Variants in ONECUT2 observed in about 807,000 individuals in gnomAD.
ONECUT2 encodes the protein one cut domain family member 2.
In ONECUT2, 10 loss-of-function variants were observed where a neutral mutation model predicts 27.9. The ratio of observed to expected loss-of-function variants is 0.36; its 90% CI spans 0.22 to 0.61. The LOEUF is 0.61. ONECUT2 is among the 20% of genes least tolerant of loss of function. The pLI is 0.73. For synonymous variants in ONECUT2, 334 were observed against 315.1 expected (o/e 1.06, Z -0.64); for missense variants, 686 against 721.0 (o/e 0.95, Z 0.56).
chr18:57,441,816 A>G (rs1357529198), intron 1 of ONECUT2, among the ~76,000 whole-genome samples: 1 of 152,258 alleles, frequency 6.6e-6, no homozygotes, highest in African/African-American at 2.4e-5. Flanking sequence ...TCGTTGGACA[A>G]TTAAACGTGG....
At chr18:57,467,679 T>G (rs2050331326) in intron 1 of ONECUT2, among the ~76,000 whole-genome samples, 1 of 152,162 alleles carries the variant, frequency 6.6e-6, no homozygotes, top group African/African-American at 2.4e-5. Flanking sequence ...ATCCACATTT[T>G]CTAGATGAGA....
At chr18:57,445,512 G>A (rs147697636) in intron 1 of ONECUT2, among the ~76,000 whole-genome samples, 27 of 152,026 alleles carry the variant, frequency 1.8e-4, no homozygotes, top group South Asian at 1.5e-3. Flanking sequence ...TTTTCAACAC[G>A]GTACATGACC....
chr18:57,467,354 TTG>T (rs869061544), intron 1 of ONECUT2: 16,343 of 76,304 alleles, frequency 0.21, 5 homozygotes, highest in Non-Finnish European at 0.34. Flanking sequence ...GGTTTTTTTT[TTG>T]TTTGTTTGTT....
Position 57,436,258 on chromosome 18 carries a change from A to T in ONECUT2, c.542A>T (p.His181Leu). The T allele has an allele frequency of 6.2e-7, 1 of 1,602,280 alleles. No homozygotes were observed. The highest frequency in any genetic ancestry group is 2.2e-5 in the East Asian group (1 of 44,562). The change falls in exon 1 of 2, where the codon CAC (histidine) becomes CTC (leucine). Residue 181 changes from histidine (H) to leucine (L), a missense_variant. By Grantham distance (99) the His-to-Leu change is moderately conservative. Around this residue, in one of 4 missense-constraint regions of ONECUT2, gnomAD observed 511 missense variants for 488.1 expected, o/e 1.05. Transcript: ENST00000491143. The surrounding 1 kb of genome is among the most constrained non-coding windows in gnomAD (Gnocchi z 5.9). Reference protein sequence around the residue: ...HPHHHPHHHHHHHHQRLSGNV... With the variant: ...HPHHHPHHHHLHHHQRLSGNV... ...CACCACCATCCGCACCACCACCACC[A>T]CCACCACCACCAGCGCCTGTCCGGC...
At chr18:57,447,647 G>A (rs4496244) in intron 1 of ONECUT2, among the ~76,000 whole-genome samples, 1,832 of 152,214 alleles carry the variant, frequency 0.012, 20 homozygotes, top group Non-Finnish European at 0.021. Flanking sequence ...TTAGATTTAG[G>A]ATTTCCTTTC....
chr18:57,444,502 C>G, intron 1 of ONECUT2: 1 of 453,310 alleles, frequency 2.2e-6, no homozygotes. Context: ...CCCCAGTGCC[C>G]TTGAGCATGA....
chr18:57,435,944 C>A lies in ONECUT2; in HGVS notation c.228C>A (p.Gly76=). 1.6e-6 allele frequency: 2 copies of A among 1,223,924 alleles called. No individual in the cohort carries two copies. Among genetic ancestry groups the A allele is most frequent in the East Asian group, 6.6e-5 (2 of 30,156 alleles). 75.8% of individuals were successfully genotyped at this position (1,223,924 alleles called of 1,614,324 possible). A position where few individuals can be genotyped will look rare whatever the true frequency, so the allele number is the denominator to read the frequency against. ...SPHHAGRGAA[G]SLRGPPPPPT... is the part of the protein sequence containing the mutation. ...ACCACGCGGGCCGCGGCGCCGCTGG[C>A]TCGCTGCGGGGCCCTCCGCCGCCTC... Residue 76 remains glycine (G), a synonymous_variant, in exon 1 of 2, where the codon GGC becomes GGA. Transcript: ENST00000491143.
intron 1 of ONECUT2, among the ~76,000 whole-genome samples, chr18:57,474,118 G>A (rs958831029): frequency 8.5e-5 from 13 of 152,192 alleles, no homozygotes; most frequent in African/African-American, 2.7e-4. Flanking sequence ...TTTTAGAAAT[G>A]AGAGAAGGAA....
rs1255582423 is a variant in ONECUT2 at position 57,477,954 on chromosome 18, T to A, written c.*1231T>A. ...CTAAATCTCTTCTGTTGTTGAATCA[T>A]CCTTGCAAAACAGCTGAATACATCT... On this transcript the variant is annotated 3_prime_UTR_variant, in exon 2 of 2. Transcript: ENST00000491143. The A allele has an allele frequency of 6.6e-6, 1 of 152,644 alleles. No homozygotes were observed. The highest frequency in any genetic ancestry group is 1.5e-5 in the Non-Finnish European group (1 of 68,040). The allele number at this position is 152,644 out of a possible 1,614,324, so 9.5% of individuals were successfully genotyped here.
At chr18:57,438,147 T>TG (rs2050153760) in intron 1 of ONECUT2, among the ~76,000 whole-genome samples, 1 of 152,224 alleles carries the variant, frequency 6.6e-6, no homozygotes, top group South Asian at 2.1e-4. Context: ...GGCACGCAGT[T>TG]GCGCGCTTTT....
rs2050138255 is a variant in ONECUT2, at chr18:57,436,052, G to T, written c.336G>T (p.Ser112=). 2 of 1,589,366 alleles carry T rather than the reference G, an allele frequency of 1.3e-6. No homozygotes were observed. The highest frequency in any genetic ancestry group is 2.2e-5 in the East Asian group (1 of 44,620). The change falls in exon 1 of 2, where the codon TCG becomes TCT. Residue 112 remains serine, a synonymous_variant. Transcript: ENST00000491143. This position sits in a 1 kb window ranked among gnomAD's most constrained non-coding sequence, Gnocchi z 5.9. ...SRSAMVTSMA[S]ILDGGDYRPE... is the part of the protein sequence containing the mutation. ...CGGCCATGGTCACCAGCATGGCCTC[G>T]ATCCTGGACGGCGGCGACTACCGGC...
At chr18:57,463,676 T>TAG (rs1353806417) in intron 1 of ONECUT2, among the ~76,000 whole-genome samples, 1 of 152,190 alleles carries the variant, frequency 6.6e-6, no homozygotes, top group African/African-American at 2.4e-5. Flanking sequence ...GTCAATGTCT[T>TAG]GTATACCTAT....
intron 1 of ONECUT2, among the ~76,000 whole-genome samples, chr18:57,462,177 TTTTCATGTAATTTTTGAAAATTTGGA>T (rs2050295499): frequency 6.6e-6 from 1 of 152,226 alleles, no homozygotes; most frequent in African/African-American, 2.4e-5. Context: ...TTTGAGCATC[TTTTCATGTAATTTTTGAAAATTTGGA>T]TTTCTTCTGT....
At chr18:57,450,327 C>T (rs759955816) in intron 1 of ONECUT2, among the ~76,000 whole-genome samples, 2 of 152,156 alleles carry the variant, frequency 1.3e-5, no homozygotes, top group African/African-American at 2.4e-5. Context: ...GCACCTGTCA[C>T]TATGCCTGGC....
chr18:57,465,154 G>A (rs147526263), intron 1 of ONECUT2, among the ~76,000 whole-genome samples: 9 of 151,312 alleles, frequency 5.9e-5, no homozygotes, highest in South Asian at 4.2e-4. Context: ...CTTTTTTTGC[G>A]GGGGGCGGGG....
At chr18:57,446,226 T>A (rs563061226) in intron 1 of ONECUT2, among the ~76,000 whole-genome samples, 23 of 152,358 alleles carry the variant, frequency 1.5e-4, no homozygotes, top group Admixed American at 5.2e-4. Context: ...TTGTTTACAT[T>A]TCCCAACTGC....
Position 57,483,120 on chromosome 18 carries a change from G to GAAAAAAAAAAAAAAAAA in ONECUT2, c.*6410_*6411insAAAAAAAAAAAAAAAAA, listed in dbSNP as rs72219196. On this transcript the variant is annotated 3_prime_UTR_variant, in exon 2 of 2. Coordinates refer to ENST00000491143, the MANE Select transcript of ONECUT2 (RefSeq NM_004852.3). ...CCAAAGACCTGAAAAAGGACAAAAA[G>GAAAAAAAAAAAAAAAAA]AAAAAAAAAAAAAGAAAAAACAAAG... 1 of 102,084 alleles carries GAAAAAAAAAAAAAAAAA rather than the reference G, an allele frequency of 9.8e-6. No individual in the cohort carries two copies. Among genetic ancestry groups the GAAAAAAAAAAAAAAAAA allele is most frequent in the Non-Finnish European group, 2.3e-5 (1 of 44,234 alleles). The allele number at this position is 102,084 out of a possible 1,614,324, so 6.3% of individuals were successfully genotyped here. A position where few individuals can be genotyped will look rare whatever the true frequency, so the allele number is the denominator to read the frequency against.
rs1192179643 is a variant in ONECUT2, at chr18:57,487,639, C to T, written c.*10916C>T. 2 of 152,172 alleles carry T rather than the reference C, an allele frequency of 1.3e-5. No homozygotes were observed. The highest frequency in any genetic ancestry group is 2.9e-5 in the Non-Finnish European group (2 of 68,044). The allele number at this position is 152,172 out of a possible 1,614,324, so 9.4% of individuals were successfully genotyped here. On this transcript the variant is annotated 3_prime_UTR_variant, in exon 2 of 2. Transcript: ENST00000491143. Reference sequence around the variant, plus strand: ...AGTGATTTGGGCAAAAATACGCAGCCATTTCCCAAAACTTCACATGTGCAG... The same window carrying T: ...AGTGATTTGGGCAAAAATACGCAGCTATTTCCCAAAACTTCACATGTGCAG...
chr18:57,475,162 T>A (rs2050375274), intron 1 of ONECUT2, among the ~76,000 whole-genome samples: 1 of 150,408 alleles, frequency 6.6e-6, no homozygotes, highest in African/African-American at 2.5e-5. Flanking sequence ...GTTCAAGCGA[T>A]TCTCCTGCCT....
Sources: gnomAD v4.1 joint callset for allele counts (sites outside exome capture counted in the v4.1 genomes callset) on GRCh38, gnomAD v4.1.1 for gene constraint, gnomAD v4.1.1 regional missense constraint, Gnocchi (gnomAD v3.1) non-coding constraint, MANE v1.5 for transcripts, NCBI Gene and HGNC (gene_info 2026-07-23, HGNC 2026-07-21) for gene names.